ATM: variants seen among roughly 807,000 people sequenced by gnomAD.
ATM encodes the protein ATM serine/threonine kinase.
A neutral mutation model predicts 387.0 loss-of-function variants in ATM; 308 were observed. The ratio of observed to expected loss-of-function variants is 0.80; its 90% CI spans 0.73 to 0.87. The LOEUF (loss-of-function observed/expected upper bound fraction) is 0.87. Among genes scored for constraint, ATM ranks in the 40% least tolerant of loss-of-function variants. The probability of loss-of-function intolerance (pLI) is 0.00; values close to 1 mark genes in which losing one functional copy is unlikely to be tolerated. For synonymous variants in ATM, 1,156 were observed against 1,187.3 expected, an observed-to-expected ratio of 0.97 and a Z score of 0.54; for missense variants, 3,312 against 3,560.9, an observed-to-expected ratio of 0.93 and a Z score of 1.78.
At chr11:108,251,798 A>G (rs746655059) in intron 10 of ATM, 39 bp from the exon 11 acceptor site, 22 of 1,606,818 alleles carry the variant, frequency 1.4e-5, no homozygotes, top group East Asian at 2.2e-5. Context: ...TGCCCCTCCA[A>G]TAGCTTGCTT....
At chr11:108,355,734 G>A (rs2089829813) in intron 61 of ATM, 1 of 152,184 alleles carries the variant, frequency 6.6e-6, no homozygotes, top group African/African-American at 2.4e-5. Context: ...AGATGGGGCA[G>A]GAATATGTGC....
chr11:108,295,184 C>A, intron 32 of ATM, 125 bp downstream of exon 32: 1 of 1,258,760 alleles, frequency 7.9e-7, no homozygotes, highest in Non-Finnish European at 1.2e-6. Flanking sequence ...AGTTCAGACC[C>A]TCATTTCTCA....
chr11:108,239,454 G>GT (rs1331357589), intron 5 of ATM, among the ~76,000 whole-genome samples: 1 of 152,194 alleles, frequency 6.6e-6, no homozygotes, highest in Non-Finnish European at 1.5e-5. Context: ...AGGCTCATCA[G>GT]TGTTACAGCT....
In ATM at chr11:108,254,045, AT is replaced by A. The variant is rs769051992; in HGVS notation, c.2124+12del. On this transcript the variant is annotated splice_region_variant and intron_variant, in intron 13 of 62. Coordinates refer to ENST00000675843, the MANE Select transcript of ATM (RefSeq NM_000051.4). ...TGAATAATTACTCATCTGAGGTGAG[AT>A]TTTTTAAAAAAAGAACTAAGCTTAT... 3.7e-6 allele frequency: 6 copies of A among 1,612,304 alleles called. No homozygotes were observed. The highest frequency in any genetic ancestry group is 4.2e-6 in the Non-Finnish European group (5 of 1,179,060).
intron 17 of ATM, among the ~76,000 whole-genome samples, chr11:108,267,795 T>A (rs1329709617): frequency 6.6e-6 from 1 of 151,998 alleles, no homozygotes; most frequent in Non-Finnish European, 1.5e-5. Context: ...GAGGTGGAGG[T>A]TGCAGTGAGC....
intron 36 of ATM, among the ~76,000 whole-genome samples, chr11:108,303,595 A>G (rs937454419): frequency 6.6e-6 from 1 of 152,212 alleles, no homozygotes; most frequent in African/African-American, 2.4e-5. Context: ...AAAATACAAC[A>G]TCTGATGAGG....
chr11:108,361,996 T>G (rs1329131016), intron 61 of ATM, among the ~76,000 whole-genome samples: 3 of 131,446 alleles, frequency 2.3e-5, no homozygotes, highest in Non-Finnish European at 3.2e-5. Context: ...GAAACTACCA[T>G]CAGAGTGAAC....
At chr11:108,354,981 G>A in intron 61 of ATM, 107 bp downstream of exon 61, 1 of 961,780 alleles carries the variant, frequency 1.0e-6, no homozygotes, top group Non-Finnish European at 1.7e-6. Context: ...TTAACATAGG[G>A]GGATGTGGCT....
At chr11:108,286,648 C>T (rs2082509088) in intron 26 of ATM, among the ~76,000 whole-genome samples, 1 of 152,086 alleles carries the variant, frequency 6.6e-6, no homozygotes, top group African/African-American at 2.4e-5. Context: ...AGGGAGTAGC[C>T]TCTTGTCCTT....
At position 108,317,615 on chromosome 11, in the gene ATM, T is replaced by A. The variant is rs563193193; in HGVS notation, c.6347+94T>A. On this transcript the variant is annotated intron_variant, in intron 43 of 62. Coordinates refer to ENST00000675843, the MANE Select transcript of ATM (RefSeq NM_000051.4). ...TTCTATGAATATAACAGGAGTTGTT[T>A]TATATATATATATATATATATATAT... 542 of 215,286 alleles carry A rather than the reference T, an allele frequency of 2.5e-3. 8 individuals carry two copies. Among genetic ancestry groups the A allele is most frequent in the African/African-American group, 0.018 (381 of 21,712 alleles). The allele number at this position is 215,286 out of a possible 1,614,324, so 13.3% of individuals were successfully genotyped here.
At chr11:108,341,929 G>T (rs1478805758) in intron 56 of ATM, among the ~76,000 whole-genome samples, 1 of 152,192 alleles carries the variant, frequency 6.6e-6, no homozygotes, top group African/African-American at 2.4e-5. Context: ...GTTAACCGAG[G>T]TGAAGATGTA....
intron 61 of ATM, among the ~76,000 whole-genome samples, chr11:108,357,695 C>T (rs2090176580): frequency 6.6e-6 from 1 of 152,176 alleles, no homozygotes; most frequent in African/African-American, 2.4e-5. Context: ...ACTGACACCT[C>T]ACACGGCAGG....
At chr11:108,257,452 A>G in intron 14 of ATM, 29 bp from the exon 15 acceptor site, 1 of 1,608,924 alleles carries the variant, frequency 6.2e-7, no homozygotes, top group East Asian at 2.2e-5. Flanking sequence ...TTTAACTGGA[A>G]TTTGCATTTT....
intron 5 of ATM, among the ~76,000 whole-genome samples, chr11:108,239,240 T>C (rs1049346791): frequency 1.3e-5 from 2 of 152,196 alleles, no homozygotes; most frequent in African/African-American, 4.8e-5. Context: ...GTCAGTAGTC[T>C]GCAGCCCCAA....
At chr11:108,350,062 A>C (rs76566963) in intron 59 of ATM, among the ~76,000 whole-genome samples, 8,743 of 152,182 alleles carry the variant, frequency 0.057, 830 homozygotes, top group African/African-American at 0.2. Flanking sequence ...TAAAAGAACA[A>C]ATAAAATTCT....
rs1466545116 is a variant in ATM, at chr11:108,312,509, G to A, written c.6006+11G>A. ...GGAATAAGTTTACAGGTAAATATTA[G>A]AGGCTCTATTATTTATGACAGTATT... On this transcript the variant is annotated intron_variant, in intron 40 of 62. Coordinates refer to ENST00000675843, the MANE Select transcript of ATM (RefSeq NM_000051.4). 6.6e-7 allele frequency: 1 copy of A among 1,521,008 alleles called. No homozygotes were observed. The highest frequency in any genetic ancestry group is 9.1e-7 in the Non-Finnish European group (1 of 1,095,970). The allele number at this position is 1,521,008 out of a possible 1,614,324, so 94.2% of individuals were successfully genotyped here. A position where few individuals can be genotyped will look rare whatever the true frequency, so the allele number is the denominator to read the frequency against.
chr11:108,302,821 T>G (rs1416761324), intron 35 of ATM, 32 bp from the exon 36 acceptor site: 2 of 1,571,762 alleles, frequency 1.3e-6, no homozygotes, highest in Admixed American at 3.4e-5. Context: ...TCCACTTCTC[T>G]TATTTACATT....
In ATM at chr11:108,241,049, C is replaced by T. The variant is rs531302212; in HGVS notation, c.497-2904C>T. ...CTTTTTAAATGAAATTATTATTACT[C>T]TATTTTTTCCTTTAAACTTTTTTGT... On this transcript the variant is annotated intron_variant, in intron 5 of 62. Coordinates refer to ENST00000675843, the MANE Select transcript of ATM (RefSeq NM_000051.4). Among the ~76,000 whole-genome samples, 3 of 152,086 alleles carry T rather than the reference C, an allele frequency of 2.0e-5. No individual in the cohort carries two copies. In the South Asian group the frequency reaches 6.2e-4, roughly 32 times the overall value.
Position 108,255,984 on chromosome 11 carries a change from A to G in ATM, c.2125-231A>G, listed in dbSNP as rs141810671. ...AGTACACCCTCCACCCTAAGATGAT[A>G]TATCCTGCTTGGCCATCAGGAGATA... is the stretch of plus-strand genomic sequence containing the variant. On this transcript the variant is annotated intron_variant, in intron 13 of 62. Coordinates refer to ENST00000675843, the MANE Select transcript of ATM (RefSeq NM_000051.4). 1.4e-3 allele frequency among the ~76,000 whole-genome samples: 209 copies of G among 152,228 alleles called. 1 individual carries two copies. The highest frequency in any genetic ancestry group is 4.7e-3 in the African/African-American group (197 of 41,532).
Sources: gnomAD v4.1 joint callset for allele counts (sites outside exome capture counted in the v4.1 genomes callset) on GRCh38, gnomAD v4.1.1 for gene constraint, MANE v1.5 for transcripts, NCBI Gene and HGNC (gene_info 2026-07-23, HGNC 2026-07-21) for gene names.